ADGRL3: variants seen among roughly 807,000 people sequenced by gnomAD.
ADGRL3 encodes the protein calcium-independent alpha-latrotoxin receptor 3.
ADGRL3 carries 62 observed loss-of-function variants against 153.5 expected under a neutral mutation model. The observed-to-expected ratio is 0.40, with a 90% confidence interval of 0.33 to 0.50. ADGRL3 has a LOEUF of 0.50. ADGRL3 is among the 20% of genes least tolerant of loss of function. The probability of loss-of-function intolerance (pLI) is 0.47; values close to 1 mark genes in which losing one functional copy is unlikely to be tolerated. For synonymous variants in ADGRL3, 710 were observed against 672.5 expected (o/e 1.06, Z -0.86); for missense variants, 1,641 against 1,859.4 (o/e 0.88, Z 2.16).
intron 25 of ADGRL3, among the ~76,000 whole-genome samples, chr4:62,053,292 C>A (rs574949935): frequency 5.5e-4 from 84 of 151,594 alleles, no homozygotes; most frequent in African/African-American, 1.9e-3. Flanking sequence ...ATTGTAACAA[C>A]CAATAATTGG....
chr4:61,451,839 A>C (rs1471984075), intron 2 of ADGRL3, among the ~76,000 whole-genome samples: 3 of 152,134 alleles, frequency 2.0e-5, no homozygotes, highest in Non-Finnish European at 4.4e-5. Flanking sequence ...TTTTTATTTT[A>C]GTGGAATAAG....
At chr4:61,795,130 T>C (rs982262793) in intron 8 of ADGRL3, among the ~76,000 whole-genome samples, 1 of 152,224 alleles carries the variant, frequency 6.6e-6, no homozygotes, top group African/African-American at 2.4e-5. Context: ...AGTTTTATGC[T>C]CAACCTAAAT....
rs747053145 is a variant in ADGRL3, at chr4:61,824,693, G to A, written c.1480+10804G>A. On this transcript the variant is annotated intron_variant, in intron 9 of 26. Transcript: ENST00000683033. ...CCCCACCTGCTGCATATCCACAGCTGCAAGGTTCCAAATTATTTGGCATAC... is the reference window on the plus strand; with the variant it reads ...CCCCACCTGCTGCATATCCACAGCTACAAGGTTCCAAATTATTTGGCATAC... Among the ~76,000 whole-genome samples the A allele has an allele frequency of 3.3e-5, 5 of 152,206 alleles. No individual in the cohort carries two copies. In the South Asian group the frequency reaches 6.2e-4, roughly 19 times the overall value.
chr4:61,562,129 C>G (rs1175560279), intron 4 of ADGRL3, among the ~76,000 whole-genome samples: 1 of 152,092 alleles, frequency 6.6e-6, no homozygotes, highest in African/African-American at 2.4e-5. Context: ...TTTATGTTTA[C>G]ACTATTCTGT....
rs1317242547 is a variant in ADGRL3 at position 61,971,316 on chromosome 4, C to G, written c.2806-8247C>G. Among the ~76,000 whole-genome samples, 6 of 151,988 alleles carry G rather than the reference C, an allele frequency of 3.9e-5. No homozygotes were observed. The East Asian group carries it at 1.2e-3, about 30-fold the overall frequency. On this transcript the variant is annotated intron_variant, in intron 17 of 26. Coordinates refer to ENST00000683033, the MANE Select transcript of ADGRL3 (RefSeq NM_001387552.1). The stretch of plus-strand genomic sequence containing the variant: ...ATGCTATCCCTCCCCGCTCCCACCA[C>G]CCCACAACAGTCCCCAGAGTGTGAT...
intron 2 of ADGRL3, among the ~76,000 whole-genome samples, chr4:61,433,561 G>A (rs1287960903): frequency 6.6e-6 from 1 of 151,916 alleles, no homozygotes; most frequent in Non-Finnish European, 1.5e-5. Flanking sequence ...CAGTTTTAGG[G>A]AATATATTTG....
intron 8 of ADGRL3, among the ~76,000 whole-genome samples, chr4:61,800,582 A>G (rs1033048750): frequency 2.0e-5 from 3 of 152,232 alleles, no homozygotes; most frequent in Non-Finnish European, 2.9e-5. Context: ...GTCTTAAAAA[A>G]GTTGATGTCT....
intron 8 of ADGRL3, among the ~76,000 whole-genome samples, chr4:61,737,628 T>C (rs911560741): frequency 6.6e-6 from 1 of 152,184 alleles, no homozygotes; most frequent in African/African-American, 2.4e-5. Context: ...ATATATGTAA[T>C]AGGCACAATA....
intron 8 of ADGRL3, among the ~76,000 whole-genome samples, chr4:61,755,317 G>A (rs1036605596): frequency 6.6e-6 from 1 of 151,982 alleles, no homozygotes; most frequent in Non-Finnish European, 1.5e-5. Context: ...CATTCTAACT[G>A]GTGTGAGATG....
intron 5 of ADGRL3, among the ~76,000 whole-genome samples, chr4:61,608,982 T>C (rs1228130251): frequency 6.6e-6 from 1 of 152,176 alleles, no homozygotes; most frequent in Non-Finnish European, 1.5e-5. Context: ...GTAATAGTTA[T>C]TTTCACTTTA....
intron 26 of ADGRL3, 50 bp from the exon 27 acceptor site, chr4:62,070,055 GTGTT>G (rs1745029797): frequency 7.1e-7 from 1 of 1,416,994 alleles, no homozygotes; most frequent in Non-Finnish European, 9.8e-7. Context: ...GTTTGTGTGT[GTGTT>G]CTATGGCTTG....
intron 25 of ADGRL3, among the ~76,000 whole-genome samples, chr4:62,058,977 G>A (rs1323548540): frequency 6.6e-6 from 1 of 152,156 alleles, no homozygotes; most frequent in South Asian, 2.1e-4. Context: ...ATAAAAGGGG[G>A]AAGAAGACAG....
At position 61,334,474 on chromosome 4, in the gene ADGRL3, A is replaced by G. The variant is rs950913081; in HGVS notation, c.-239-48650A>G. Among the ~76,000 whole-genome samples, 11 of 152,172 alleles carry G rather than the reference A, an allele frequency of 7.2e-5. No homozygotes were observed. The East Asian group carries it at 9.7e-4, about 13-fold the overall frequency. ...GTGTAAATTAAAGGAAGAATTTTAA[A>G]TGGTGTCAAAGAAGGATCCAGAGTG... On this transcript the variant is annotated intron_variant, in intron 1 of 26. Transcript: ENST00000683033.
At chr4:61,823,999 T>A (rs1266048991) in intron 9 of ADGRL3, among the ~76,000 whole-genome samples, 1 of 152,008 alleles carries the variant, frequency 6.6e-6, no homozygotes, top group Non-Finnish European at 1.5e-5. Flanking sequence ...GAGGCAGAGG[T>A]TGCAGTGAGC....
At chr4:61,476,048 C>A (rs927583637) in intron 2 of ADGRL3, among the ~76,000 whole-genome samples, 3 of 151,864 alleles carry the variant, frequency 2.0e-5, no homozygotes, top group Non-Finnish European at 2.9e-5. Context: ...TCATATGACT[C>A]CTCATATTCA....
chr4:61,692,143 T>A (rs552306153), intron 6 of ADGRL3, among the ~76,000 whole-genome samples: 2 of 152,210 alleles, frequency 1.3e-5, no homozygotes, highest in Non-Finnish European at 2.9e-5. Context: ...TGCTGTTCAT[T>A]GAACAAGTAC....
At chr4:61,685,076 T>C (rs1428405914) in intron 6 of ADGRL3, among the ~76,000 whole-genome samples, 4 of 151,832 alleles carry the variant, frequency 2.6e-5, no homozygotes, top group African/African-American at 9.7e-5. Flanking sequence ...CCATCACACC[T>C]GGCTAATTTT....
chr4:61,649,494 G>A (rs1365435310), intron 5 of ADGRL3, among the ~76,000 whole-genome samples: 2 of 151,888 alleles, frequency 1.3e-5, no homozygotes, highest in African/African-American at 4.8e-5. Context: ...TTATTTTCTG[G>A]AGATTCTTTA....
chr4:61,901,561 C>G (rs999074391), intron 11 of ADGRL3, among the ~76,000 whole-genome samples: 2 of 152,064 alleles, frequency 1.3e-5, no homozygotes, highest in Non-Finnish European at 2.9e-5. Flanking sequence ...AAGATAGAAG[C>G]ATTTTGTTGC....
Sources: gnomAD v4.1 joint callset for allele counts (sites outside exome capture counted in the v4.1 genomes callset) on GRCh38, gnomAD v4.1.1 for gene constraint, MANE v1.5 for transcripts, NCBI Gene and HGNC (gene_info 2026-07-23, HGNC 2026-07-21) for gene names.